The following CCDC69 variants were observed in gnomAD, a reference collection of about 807,000 sequenced individuals.
CCDC69 encodes the protein coiled-coil domain-containing protein 69.
In CCDC69, 38 loss-of-function variants were observed where a neutral mutation model predicts 40.3. That is an observed-to-expected ratio of 0.94 (90% CI 0.73 to 1.24). The LOEUF (loss-of-function observed/expected upper bound fraction) is 1.24, where lower values mean the gene tolerates loss of function less well. CCDC69 is among the 50% of genes most tolerant of loss of function. CCDC69 has a pLI of 0.00. For missense variants in CCDC69, 389 were observed against 357.9 expected (o/e 1.09, Z -0.70); for synonymous variants, 141 against 138.9 (o/e 1.02, Z -0.11).
At chr5:151,184,497 G>A in intron 7 of CCDC69, 56 bp from the exon 8 acceptor site, 1 of 1,089,600 alleles carries the variant, frequency 9.2e-7, no homozygotes, top group Non-Finnish European at 1.4e-6. Flanking sequence ...CACGATGTGT[G>A]CTGTCACCTC....
chr5:151,223,877 A>C (rs1423875680), intron 1 of CCDC69, 46 bp downstream of exon 1: 6 of 1,574,360 alleles, frequency 3.8e-6, no homozygotes, highest in Non-Finnish European at 4.3e-6. Flanking sequence ...GCGATTCCGC[A>C]CTCCCCTCTC....
At chr5:151,219,735 A>AT (rs1753108873) in intron 1 of CCDC69, among the ~76,000 whole-genome samples, 1 of 152,164 alleles carries the variant, frequency 6.6e-6, no homozygotes, top group African/African-American at 2.4e-5. Flanking sequence ...AGATTAAAAG[A>AT]TTTTTTAATT....
Position 151,193,636 on chromosome 5 carries a change from A to C in CCDC69, c.319+5361T>G, listed in dbSNP as rs2113988710. Among the ~76,000 whole-genome samples, 2 of 152,290 alleles carry C rather than the reference A, an allele frequency of 1.3e-5. 1 individual carries two copies. Among genetic ancestry groups the C allele is most frequent in the African/African-American group, 4.8e-5 (2 of 41,580 alleles). ...TATATGGATCTTAGATCTAAATATA[A>C]AACCATAAGGCTTTGGAAGAAAACA... On this transcript the variant is annotated intron_variant, in intron 4 of 8. Coordinates refer to ENST00000355417, the MANE Select transcript of CCDC69 (RefSeq NM_015621.3).
At chr5:151,186,200 AGGGAGAACGGTTTT>A in intron 5 of CCDC69, 76 bp from the exon 6 acceptor site, 1 of 1,002,468 alleles carries the variant, frequency 1.0e-6, no homozygotes, top group East Asian at 2.4e-5. Flanking sequence ...CACATCCCAG[AGGGAGAACGGTTTT>A]GGGTTCTTCA....
chr5:151,183,678 T>A, intron 8 of CCDC69, 64 bp from the exon 9 acceptor site: 1 of 1,453,992 alleles, frequency 6.9e-7, no homozygotes, highest in East Asian at 2.3e-5. Context: ...ACCAACCCAT[T>A]CCCCCAGGAA....
intron 3 of CCDC69, among the ~76,000 whole-genome samples, chr5:151,200,150 T>A (rs1226992390): frequency 6.6e-6 from 1 of 152,208 alleles, no homozygotes; most frequent in Non-Finnish European, 1.5e-5. Context: ...AGACTTTTTT[T>A]TTTTTTGAGA....
chr5:151,209,804 T>G (rs374171050), intron 1 of CCDC69, among the ~76,000 whole-genome samples: 13 of 152,334 alleles, frequency 8.5e-5, no homozygotes, highest in African/African-American at 2.9e-4. Context: ...GGTCTCGGAC[T>G]CCTAGGCTCA....
In CCDC69 at chr5:151,182,968, C is replaced by A. The variant is rs1561596430; in HGVS notation, c.*469G>T. 2.2e-6 allele frequency: 1 copy of A among 449,852 alleles called. No homozygotes were observed. The highest frequency in any genetic ancestry group is 1.6e-5 in the South Asian group (1 of 63,676). The allele number at this position is 449,852 out of a possible 1,614,324, so 27.9% of individuals were successfully genotyped here. On this transcript the variant is annotated 3_prime_UTR_variant, in exon 9 of 9. Coordinates refer to ENST00000355417, the MANE Select transcript of CCDC69 (RefSeq NM_015621.3). ...GTGACATAAGAGTCCTTTGACCAGT[C>A]CCCCCACCATTTTAATGCAGGGGTA...
chr5:151,214,613 C>G (rs1267658824), intron 1 of CCDC69, among the ~76,000 whole-genome samples: 1 of 152,192 alleles, frequency 6.6e-6, no homozygotes, highest in African/African-American at 2.4e-5. Flanking sequence ...TCCTCACTGG[C>G]TGGAGGACAG....
At chr5:151,187,076 C>A (rs1367233263) in intron 5 of CCDC69, among the ~76,000 whole-genome samples, 1 of 152,222 alleles carries the variant, frequency 6.6e-6, no homozygotes, top group Non-Finnish European at 1.5e-5. Context: ...AGATGCTTCC[C>A]TGCATCCTTC....
At chr5:151,214,698 C>T (rs956572970) in intron 1 of CCDC69, among the ~76,000 whole-genome samples, 1 of 152,224 alleles carries the variant, frequency 6.6e-6, no homozygotes, top group Non-Finnish European at 1.5e-5. Context: ...GGGACACGGC[C>T]TATGCTCTGA....
intron 4 of CCDC69, among the ~76,000 whole-genome samples, chr5:151,193,256 G>T (rs1752646838): frequency 6.7e-6 from 1 of 148,424 alleles, no homozygotes; most frequent in Non-Finnish European, 1.5e-5. Flanking sequence ...GCTCACACCT[G>T]CAATCCCAGC....
chr5:151,205,941 T>C (rs993806912), intron 1 of CCDC69, among the ~76,000 whole-genome samples: 1 of 152,148 alleles, frequency 6.6e-6, no homozygotes, highest in African/African-American at 2.4e-5. Flanking sequence ...ACAATAATCA[T>C]CCACACAGAA....
At chr5:151,214,168 G>A (rs1188746344) in intron 1 of CCDC69, among the ~76,000 whole-genome samples, 2 of 152,242 alleles carry the variant, frequency 1.3e-5, no homozygotes, top group Non-Finnish European at 2.9e-5. Context: ...AGCTGAGCCT[G>A]TAGGGGAGAG....
Position 151,181,527 on chromosome 5 carries a change from GCTTT to G in CCDC69, c.*1906_*1909del, listed in dbSNP as rs1347067667. On this transcript the variant is annotated 3_prime_UTR_variant, in exon 9 of 9. Coordinates refer to ENST00000355417, the MANE Select transcript of CCDC69 (RefSeq NM_015621.3). The stretch of plus-strand genomic sequence containing the variant: ...GCCACTGTGCCTGGACTAAAACAAT[GCTTT>G]CTAAAGCGCATTCTGCAGCCTGATG... 1 of 152,342 alleles carries G rather than the reference GCTTT, an allele frequency of 6.6e-6. No homozygotes were observed. The highest frequency in any genetic ancestry group is 1.5e-5 in the Non-Finnish European group (1 of 68,166). 9.4% of individuals were successfully genotyped at this position (152,342 alleles called of 1,614,324 possible).
chr5:151,197,221 T>C (rs1752711370), intron 4 of CCDC69, among the ~76,000 whole-genome samples: 1 of 152,020 alleles, frequency 6.6e-6, no homozygotes. Context: ...CAGGGGCTAG[T>C]GGTAAGATAA....
At chr5:151,201,003 ATG>A (rs1196115490) in intron 3 of CCDC69, among the ~76,000 whole-genome samples, 1 of 152,218 alleles carries the variant, frequency 6.6e-6, no homozygotes, top group Non-Finnish European at 1.5e-5. Flanking sequence ...ATAACAAACA[ATG>A]ACAAAGTCTC....
At chr5:151,192,253 G>T (rs1211119279) in intron 4 of CCDC69, among the ~76,000 whole-genome samples, 1 of 151,664 alleles carries the variant, frequency 6.6e-6, no homozygotes, top group East Asian at 1.9e-4. Flanking sequence ...CCAAAAGCTG[G>T]TTCTTTGAAA....
At chr5:151,215,743 C>G in intron 1 of CCDC69, 1 of 306,364 alleles carries the variant, frequency 3.3e-6, no homozygotes, top group South Asian at 2.3e-5. Context: ...CAGCATGCTC[C>G]TAATTCTACA....
Sources: allele counts gnomAD v4.1 joint callset (sites outside exome capture counted in the v4.1 genomes callset), GRCh38; gene constraint gnomAD v4.1.1; transcripts MANE v1.5; gene names NCBI Gene and HGNC (gene_info 2026-07-23, HGNC 2026-07-21).